The following CUX2 variants were observed in gnomAD, a reference collection of about 807,000 sequenced individuals.
The protein encoded by CUX2 is cut like homeobox 2, also known as homeobox protein cut-like 2.
Under a neutral mutation model 144.8 loss-of-function variants are expected in CUX2, and 40 were observed. The observed-to-expected ratio is 0.28, with a 90% CI of 0.21 to 0.36. CUX2 has a LOEUF of 0.36. Among genes scored for constraint, CUX2 ranks in the 10% least tolerant of loss-of-function variants. CUX2 has a pLI of 1.00. For missense variants in CUX2, 1,615 were observed against 1,994.0 expected, an observed-to-expected ratio of 0.81 and a Z score of 3.62; for synonymous variants, 827 against 875.6, an observed-to-expected ratio of 0.94 and a Z score of 0.98.
chr12:111,229,853 T>A (rs1565862078), intron 3 of CUX2, among the ~76,000 whole-genome samples: 1 of 151,922 alleles, frequency 6.6e-6, no homozygotes, highest in African/African-American at 2.4e-5. Flanking sequence ...AAACCCCATC[T>A]CTACAAAAAA....
chr12:111,291,289 A>G, intron 4 of CUX2, 129 bp from the exon 5 acceptor site: 4 of 1,158,426 alleles, frequency 3.5e-6, no homozygotes, highest in Non-Finnish European at 4.8e-6. Context: ...CAGAAAGTCC[A>G]TGCTACTTCC....
In CUX2 at chr12:111,295,379, G is replaced by A. The variant is rs1592930374; in HGVS notation, c.607G>A (p.Ala203Thr). 6.2e-7 allele frequency: 1 copy of A among 1,612,648 alleles called. No individual in the cohort carries two copies. The highest frequency in any genetic ancestry group is 8.5e-7 in the Non-Finnish European group (1 of 1,179,412). The change falls in exon 7 of 22, where the codon GCA (alanine) becomes ACA (threonine). Residue 203 changes from alanine (A) to threonine (T), a missense_variant. Around this residue, in one of 12 missense-constraint regions of CUX2, gnomAD observed 295 missense variants for 400.2 expected, o/e 0.74. Transcript: ENST00000261726. The surrounding 1 kb of genome is among the most constrained non-coding windows in gnomAD (Gnocchi z 5.0). Reference protein sequence around the residue: ...QITLAARLGEAEEKIKVLHSA... With the variant: ...QITLAARLGETEEKIKVLHSA... ...CACTTTGGCGGCCAGACTGGGGGAGGCAGAGGAGAAAATCAAAGTCCTACA... is the reference window on the plus strand; with the variant it reads ...CACTTTGGCGGCCAGACTGGGGGAGACAGAGGAGAAAATCAAAGTCCTACA...
intron 1 of CUX2, among the ~76,000 whole-genome samples, chr12:111,102,425 T>C (rs1354104294): frequency 6.6e-6 from 1 of 152,136 alleles, no homozygotes; most frequent in African/African-American, 2.4e-5. Flanking sequence ...CATCTGAGCA[T>C]TGGTGGCAGA....
At chr12:111,343,251 A>G (rs12423926) in intron 21 of CUX2, among the ~76,000 whole-genome samples, 41,439 of 151,716 alleles carry the variant, frequency 0.27, 6,593 homozygotes, top group East Asian at 0.69. Flanking sequence ...TCCTACTTCA[A>G]TGGCTGCTTC....
chr12:111,213,521 T>A (rs1250495752), intron 1 of CUX2, among the ~76,000 whole-genome samples: 3 of 152,184 alleles, frequency 2.0e-5, no homozygotes, highest in Non-Finnish European at 2.9e-5. Context: ...CAAAGCACCT[T>A]CCAATCCATT....
chr12:111,344,799 A>G (rs988508632), intron 21 of CUX2, among the ~76,000 whole-genome samples: 1 of 152,260 alleles, frequency 6.6e-6, no homozygotes, highest in Non-Finnish European at 1.5e-5. Flanking sequence ...TGCTAGGTTC[A>G]GAGCCTTGAG....
At position 111,255,251 on chromosome 12, in the gene CUX2, C is replaced by G. The variant is rs1592887773; in HGVS notation, c.223-8510C>G. 6.6e-6 allele frequency among the ~76,000 whole-genome samples: 1 copy of G among 152,182 alleles called. No homozygotes were observed. Among genetic ancestry groups the G allele is most frequent in the Admixed American group, 6.5e-5 (1 of 15,278 alleles). On this transcript the variant is annotated intron_variant, in intron 3 of 21. Transcript: ENST00000261726. This position sits in a 1 kb window ranked among gnomAD's most constrained non-coding sequence, Gnocchi z 4.1. ...CCAGAGAGGGTCTCCAATTTCTGCC[C>G]CATTTTAGCAGGAGACTGAGAACCC...
At chr12:111,087,776 C>G (rs184052964) in intron 1 of CUX2, among the ~76,000 whole-genome samples, 2 of 152,242 alleles carry the variant, frequency 1.3e-5, no homozygotes, top group Non-Finnish European at 2.9e-5. Flanking sequence ...AAATTATATG[C>G]CTGTATGGGT....
chr12:111,135,787 T>A lies in CUX2; in HGVS notation c.64-78413T>A, dbSNP rs1224647865. ...AAAATGTCCAGAACAGGCAAATCCA[T>A]AGAGACAGAAAGCAGATTAGTGCTT... On this transcript the variant is annotated intron_variant, in intron 1 of 21. Transcript: ENST00000261726. Among the ~76,000 whole-genome samples the A allele has an allele frequency of 2.6e-5, 4 of 152,122 alleles. No homozygotes were observed. In the East Asian group the frequency reaches 7.7e-4, roughly 29 times the overall value.
At chr12:111,071,447 C>T (rs1319309044) in intron 1 of CUX2, among the ~76,000 whole-genome samples, 3 of 152,036 alleles carry the variant, frequency 2.0e-5, no homozygotes, top group Non-Finnish European at 4.4e-5. Context: ...TGTTAAGTTC[C>T]TTGGTCAATT....
chr12:111,215,883 G>T (rs1203825715), intron 2 of CUX2, among the ~76,000 whole-genome samples: 1 of 152,232 alleles, frequency 6.6e-6, no homozygotes, highest in Non-Finnish European at 1.5e-5. Flanking sequence ...AAGCCTCTGA[G>T]TTCAGCTTAC....
At chr12:111,194,582 C>A (rs74680644) in intron 1 of CUX2, among the ~76,000 whole-genome samples, 1 of 152,328 alleles carries the variant, frequency 6.6e-6, no homozygotes, top group Admixed American at 6.5e-5. Context: ...CTGAGCATTG[C>A]AGCCTCCTGT....
In CUX2 at chr12:111,306,506, G is replaced by A. The variant is rs145068399; in HGVS notation, c.859-415G>A. Among the ~76,000 whole-genome samples the A allele has an allele frequency of 1.1e-3, 170 of 152,118 alleles. 4 individuals are homozygous for A. The South Asian group carries it at 0.018, about 16-fold the overall frequency. ...AGCAAATTAGGCGGAGGAAAGAGCC[G>A]CCCATAACGTGGTCCGTGGCTCCAA... On this transcript the variant is annotated intron_variant, in intron 10 of 21. Coordinates refer to ENST00000261726, the MANE Select transcript of CUX2 (RefSeq NM_015267.4).
chr12:111,294,588 A>C (rs1455740155), intron 6 of CUX2, among the ~76,000 whole-genome samples: 1 of 76,182 alleles, frequency 1.3e-5, no homozygotes, highest in African/African-American at 8.9e-5. Context: ...ATCTTTTCAA[A>C]AAAAAAAAAA....
In CUX2 at chr12:111,307,182, T is replaced by C; in HGVS notation, c.1051-17T>C. ...AAGCACACAGACCAGCCTCACCATC[T>C]TTCTTTGCTCTTCTAGAAGCTGGAA... On this transcript the variant is annotated splice_polypyrimidine_tract_variant and intron_variant, in intron 11 of 21. Coordinates refer to ENST00000261726, the MANE Select transcript of CUX2 (RefSeq NM_015267.4). This position sits in a 1 kb window ranked among gnomAD's most constrained non-coding sequence, Gnocchi z 4.1. The C allele has an allele frequency of 2.5e-6, 4 of 1,614,162 alleles. No individual in the cohort carries two copies. Among genetic ancestry groups the C allele is most frequent in the Non-Finnish European group, 3.4e-6 (4 of 1,180,024 alleles).
In CUX2 at chr12:111,171,441, G is replaced by T. The variant is rs927740105; in HGVS notation, c.64-42759G>T. 6.6e-6 allele frequency among the ~76,000 whole-genome samples: 1 copy of T among 152,176 alleles called. No homozygotes were observed. Among genetic ancestry groups the T allele is most frequent in the Non-Finnish European group, 1.5e-5 (1 of 68,030 alleles). On this transcript the variant is annotated intron_variant, in intron 1 of 21. Coordinates refer to ENST00000261726, the MANE Select transcript of CUX2 (RefSeq NM_015267.4). The surrounding 1 kb of genome is among the most constrained non-coding windows in gnomAD (Gnocchi z 5.0). ...CGAGAGGGGTTTCTTATGCACCAGT[G>T]GGAGTGGGTCTCTCTCTGACCCAAT...
intron 3 of CUX2, among the ~76,000 whole-genome samples, chr12:111,254,568 G>T (rs1276538981): frequency 6.6e-6 from 1 of 152,202 alleles, no homozygotes; most frequent in Non-Finnish European, 1.5e-5. Flanking sequence ...TTACACCTGT[G>T]AATTCAAACT....
chr12:111,063,360 C>T (rs531083428), intron 1 of CUX2, among the ~76,000 whole-genome samples: 75 of 152,284 alleles, frequency 4.9e-4, no homozygotes, highest in African/African-American at 1.7e-3. Flanking sequence ...CCCTGCAGTC[C>T]AACATTGCTC....
intron 1 of CUX2, among the ~76,000 whole-genome samples, chr12:111,046,134 G>T (rs1187631295): frequency 6.6e-6 from 1 of 151,876 alleles, no homozygotes; most frequent in Non-Finnish European, 1.5e-5. Context: ...CTCCCAGCCC[G>T]GCCCACCCGG....
Sources: gnomAD v4.1 joint callset for allele counts (sites outside exome capture counted in the v4.1 genomes callset) on GRCh38, gnomAD v4.1.1 for gene constraint, gnomAD v4.1.1 regional missense constraint, Gnocchi (gnomAD v3.1) non-coding constraint, MANE v1.5 for transcripts, NCBI Gene and HGNC (gene_info 2026-07-23, HGNC 2026-07-21) for gene names.